Variants in LRBA observed in about 807,000 individuals in gnomAD.
LRBA encodes lipopolysaccharide-responsive and beige-like anchor protein.
LRBA carries 176 observed loss-of-function variants against 330.0 expected under a neutral mutation model. The ratio of observed to expected loss-of-function variants is 0.53; its 90% CI spans 0.47 to 0.60. The LOEUF (loss-of-function observed/expected upper bound fraction) is 0.60, where lower values mean the gene tolerates loss of function less well. Ranked by LOEUF, LRBA falls within the 20% of genes least tolerant of loss-of-function variation. The probability of loss-of-function intolerance (pLI) is 0.00; values close to 1 mark genes in which losing one functional copy is unlikely to be tolerated. For missense variants in LRBA, 3,259 were observed against 3,444.8 expected (o/e 0.95, Z 1.35); for synonymous variants, 1,230 against 1,193.0 (o/e 1.03, Z -0.64).
intron 47 of LRBA, among the ~76,000 whole-genome samples, chr4:150,401,100 C>T (rs994257739): frequency 1.3e-5 from 2 of 152,180 alleles, no homozygotes; most frequent in African/African-American, 4.8e-5. Flanking sequence ...CAGATATGCA[C>T]ACAGGGAGAA....
intron 40 of LRBA, among the ~76,000 whole-genome samples, chr4:150,519,504 GT>G (rs1406239839): frequency 1.3e-5 from 2 of 152,096 alleles, no homozygotes; most frequent in Non-Finnish European, 2.9e-5. Flanking sequence ...TCACCGTAAA[GT>G]TTTTGAGGTT....
intron 36 of LRBA, among the ~76,000 whole-genome samples, chr4:150,707,466 A>G (rs936619697): frequency 3.3e-5 from 5 of 151,670 alleles, no homozygotes; most frequent in Non-Finnish European, 7.4e-5. Flanking sequence ...AAACATCAAG[A>G]AAGTCAAGCA....
intron 37 of LRBA, among the ~76,000 whole-genome samples, chr4:150,678,815 A>T (rs1782797857): frequency 6.6e-6 from 1 of 152,204 alleles, no homozygotes; most frequent in South Asian, 2.1e-4. Flanking sequence ...GCTTAGGAAT[A>T]AAAATAAACG....
intron 36 of LRBA, among the ~76,000 whole-genome samples, chr4:150,728,311 CA>C (rs1460937987): frequency 6.6e-6 from 1 of 151,768 alleles, no homozygotes; most frequent in Non-Finnish European, 1.5e-5. Flanking sequence ...CTAAGTATTC[CA>C]AAAAATAGAG....
intron 40 of LRBA, among the ~76,000 whole-genome samples, chr4:150,517,130 AT>A (rs1170768666): frequency 6.6e-6 from 1 of 152,190 alleles, no homozygotes; most frequent in Non-Finnish European, 1.5e-5. Context: ...ATATGACTTT[AT>A]TTTTGTAAAT....
intron 44 of LRBA, among the ~76,000 whole-genome samples, chr4:150,445,375 CTCTATATATATATATATATATATA>C (rs1376771863): frequency 1.2e-5 from 1 of 82,972 alleles, no homozygotes; most frequent in African/African-American, 4.5e-5. Flanking sequence ...CTCTCTCTCT[CTCTATATATATATATATATATATA>C]TATATATATA....
chr4:150,934,210 C>G (rs1734820016), intron 2 of LRBA, among the ~76,000 whole-genome samples: 1 of 152,134 alleles, frequency 6.6e-6, no homozygotes, highest in African/African-American at 2.4e-5. Context: ...AGGCATTATT[C>G]AAATATTTAA....
At chr4:150,501,907 T>C (rs1419427959) in intron 40 of LRBA, among the ~76,000 whole-genome samples, 1 of 152,172 alleles carries the variant, frequency 6.6e-6, no homozygotes, top group Admixed American at 6.5e-5. Flanking sequence ...TGACACCTAT[T>C]AATGCCCAAG....
At chr4:150,815,678 T>C (rs2126760349) in intron 31 of LRBA, among the ~76,000 whole-genome samples, 1 of 152,004 alleles carries the variant, frequency 6.6e-6, no homozygotes, top group Admixed American at 6.6e-5. Flanking sequence ...ATAAAAATAA[T>C]ACAAGACTAT....
At chr4:150,339,887 G>A (rs1251629021) in intron 48 of LRBA, among the ~76,000 whole-genome samples, 2 of 141,188 alleles carry the variant, frequency 1.4e-5, no homozygotes, top group East Asian at 2.1e-4. Flanking sequence ...GTTTGGCTGC[G>A]TCCCTACCCA....
chr4:150,302,888 T>A, intron 52 of LRBA, 96 bp from the exon 53 acceptor site: 2 of 792,078 alleles, frequency 2.5e-6, no homozygotes, highest in Non-Finnish European at 3.8e-6. Flanking sequence ...ATATGAACTC[T>A]GATGGTCATA....
intron 2 of LRBA, among the ~76,000 whole-genome samples, chr4:150,943,036 CA>C (rs1344435876): frequency 6.6e-6 from 1 of 152,110 alleles, no homozygotes; most frequent in Non-Finnish European, 1.5e-5. Flanking sequence ...AATCTCCTCT[CA>C]TTGTTTATTG....
At chr4:150,742,628 T>A (rs1339262124) in intron 35 of LRBA, among the ~76,000 whole-genome samples, 3 of 152,120 alleles carry the variant, frequency 2.0e-5, no homozygotes, top group Non-Finnish European at 4.4e-5. Flanking sequence ...CCAGGTACAG[T>A]GGCTCATGCC....
chr4:150,812,273 TACTC>T (rs1400470018), intron 31 of LRBA, among the ~76,000 whole-genome samples: 3 of 152,228 alleles, frequency 2.0e-5, no homozygotes, highest in Admixed American at 6.5e-5. Flanking sequence ...TGTGGAATGA[TACTC>T]ACTTATCTTT....
chr4:150,533,929 C>T (rs1995540), intron 40 of LRBA, among the ~76,000 whole-genome samples: 35,861 of 152,008 alleles, frequency 0.24, 4,477 homozygotes, highest in African/African-American at 0.33. Context: ...AACAACCCTA[C>T]GGCCATCCCA....
chr4:150,846,477 C>A (rs1333042912), intron 26 of LRBA, among the ~76,000 whole-genome samples: 1 of 151,490 alleles, frequency 6.6e-6, no homozygotes, highest in Non-Finnish European at 1.5e-5. Context: ...TTGCAGTGAG[C>A]CCAGATCTTG....
chr4:150,308,809 T>C (rs1212580023), intron 52 of LRBA, among the ~76,000 whole-genome samples: 1 of 152,198 alleles, frequency 6.6e-6, no homozygotes, highest in East Asian at 1.9e-4. Context: ...AGTTGTACAA[T>C]GTGTTTGTGT....
At chr4:150,482,478 A>AT (rs754838913) in intron 42 of LRBA, among the ~76,000 whole-genome samples, 2 of 152,204 alleles carry the variant, frequency 1.3e-5, no homozygotes, top group Non-Finnish European at 2.9e-5. Flanking sequence ...TTTGTGATGA[A>AT]TATGGCTGCT....
At chr4:150,676,361 C>T (rs1037483992) in intron 37 of LRBA, among the ~76,000 whole-genome samples, 4 of 152,020 alleles carry the variant, frequency 2.6e-5, no homozygotes, top group African/African-American at 9.7e-5. Context: ...TTTCTATTTC[C>T]CCTATTAGAG....
Sources: gnomAD v4.1 joint callset for allele counts (sites outside exome capture counted in the v4.1 genomes callset) on GRCh38, gnomAD v4.1.1 for gene constraint, MANE v1.5 for transcripts, NCBI Gene and HGNC (gene_info 2026-07-23, HGNC 2026-07-21) for gene names.